Variants in KIF26B observed in about 807,000 individuals in gnomAD.
KIF26B encodes the protein kinesin family member 26B.
In KIF26B, 63 loss-of-function variants were observed where a neutral mutation model predicts 151.2. That is an observed-to-expected ratio of 0.42 (90% CI 0.34 to 0.51). The LOEUF is 0.51. Among genes scored for constraint, KIF26B ranks in the 20% least tolerant of loss-of-function variants. The probability of loss-of-function intolerance (pLI) is 0.07; values close to 1 mark genes in which losing one functional copy is unlikely to be tolerated. For synonymous variants in KIF26B, 1,357 were observed against 1,262.1 expected (o/e 1.08, Z -1.59); for missense variants, 2,813 against 2,913.6 (o/e 0.97, Z 0.79).
intron 4 of KIF26B, among the ~76,000 whole-genome samples, chr1:245,532,401 A>C (rs897528223): frequency 1.3e-5 from 2 of 151,496 alleles, no homozygotes; most frequent in Admixed American, 6.6e-5. Flanking sequence ...GCCCGCCACC[A>C]TGCCCAGCTA....
intron 14 of KIF26B, among the ~76,000 whole-genome samples, chr1:245,701,902 G>A (rs2044777360): frequency 6.6e-6 from 1 of 152,164 alleles, no homozygotes; most frequent in Non-Finnish European, 1.5e-5. Flanking sequence ...GGACAAAGCA[G>A]GGGACTTGAT....
At chr1:245,477,246 G>A (rs1417232546) in intron 4 of KIF26B, among the ~76,000 whole-genome samples, 4 of 151,872 alleles carry the variant, frequency 2.6e-5, no homozygotes, top group African/African-American at 9.7e-5. Context: ...TCCTGGCTTA[G>A]AAAGCATATT....
At chr1:245,314,863 C>T (rs1671733014) in intron 2 of KIF26B, among the ~76,000 whole-genome samples, 1 of 152,208 alleles carries the variant, frequency 6.6e-6, no homozygotes, top group Non-Finnish European at 1.5e-5. Context: ...TGGTAAAATG[C>T]TATTAGCATT....
chr1:245,689,089 GC>G (rs2044586339), intron 12 of KIF26B, among the ~76,000 whole-genome samples: 1 of 152,352 alleles, frequency 6.6e-6, no homozygotes, highest in African/African-American at 2.4e-5. Flanking sequence ...CCTACTGCGT[GC>G]CGTCATCAGG....
chr1:245,374,295 G>A (rs1404370514), intron 3 of KIF26B, among the ~76,000 whole-genome samples: 2 of 150,240 alleles, frequency 1.3e-5, no homozygotes, highest in African/African-American at 4.9e-5. Flanking sequence ...GCAGGAGGAA[G>A]GTGAGGCTCT....
intron 2 of KIF26B, among the ~76,000 whole-genome samples, chr1:245,240,073 G>A (rs1281215531): frequency 6.6e-6 from 1 of 152,002 alleles, no homozygotes; most frequent in Non-Finnish European, 1.5e-5. Flanking sequence ...AGGAGGCTGA[G>A]GCATGAGAAC....
intron 9 of KIF26B, chr1:245,615,075 G>A (rs2043574074): frequency 6.6e-6 from 1 of 152,260 alleles, no homozygotes; most frequent in African/African-American, 2.4e-5. Context: ...GTGGGAGTTG[G>A]CCTTGAACCC....
intron 2 of KIF26B, among the ~76,000 whole-genome samples, chr1:245,212,361 C>T (rs1311275614): frequency 6.6e-6 from 1 of 152,156 alleles, no homozygotes; most frequent in African/African-American, 2.4e-5. Flanking sequence ...GACACCCTGC[C>T]GCCCGTGCCA....
chr1:245,359,695 TCCCTCCTTCCCTC>T (rs1672774702), intron 2 of KIF26B, among the ~76,000 whole-genome samples: 2 of 147,500 alleles, frequency 1.4e-5, no homozygotes, highest in East Asian at 2.1e-4. Flanking sequence ...CTCCCTCCCT[TCCCTCCTTCCCTC>T]CCTTCCTTCC....
chr1:245,249,094 G>A (rs1670391201), intron 2 of KIF26B, among the ~76,000 whole-genome samples: 1 of 152,068 alleles, frequency 6.6e-6, no homozygotes, highest in Non-Finnish European at 1.5e-5. Context: ...GGAGCAAGGT[G>A]ATTTTTGTGT....
intron 10 of KIF26B, chr1:245,676,456 G>A (rs543011772): frequency 1.3e-5 from 2 of 152,306 alleles, no homozygotes; most frequent in East Asian, 3.9e-4. Context: ...AGATTGGTTA[G>A]GATTTTGACT....
chr1:245,687,611 A>AGGCCAGCCGGCAGGAGGAGCC lies in KIF26B; in HGVS notation c.4631_4651dup (p.Ala1544_Pro1550dup). On this transcript the variant is annotated inframe_insertion, in exon 12 of 15. Coordinates refer to ENST00000407071, the MANE Select transcript of KIF26B (RefSeq NM_018012.4). The surrounding 1 kb of genome is among the most constrained non-coding windows in gnomAD (Gnocchi z 4.9). Reference sequence around the variant, plus strand: ...AGCAGCCTTCCCAGGGCCTTTCAGAAGGCCAGCCGGCAGGAGGAGCCGGAC... The same window carrying AGGCCAGCCGGCAGGAGGAGCC: ...AGCAGCCTTCCCAGGGCCTTTCAGAAGGCCAGCCGGCAGGAGGAGCCGGCCAGCCGGCAGGAGGAGCCGGAC... The AGGCCAGCCGGCAGGAGGAGCC allele has an allele frequency of 6.4e-7, 1 of 1,563,630 alleles. No homozygotes were observed. Among genetic ancestry groups the AGGCCAGCCGGCAGGAGGAGCC allele is most frequent in the Non-Finnish European group, 8.7e-7 (1 of 1,154,388 alleles).
chr1:245,521,813 T>G (rs1457422263), intron 4 of KIF26B, among the ~76,000 whole-genome samples: 1 of 152,216 alleles, frequency 6.6e-6, no homozygotes, highest in Non-Finnish European at 1.5e-5. Flanking sequence ...ACACAAATAA[T>G]TACAGCCCAT....
In KIF26B at chr1:245,686,687, T is replaced by G; in HGVS notation, c.3704T>G (p.Ile1235Ser). The G allele has an allele frequency of 6.2e-7, 1 of 1,612,726 alleles. No homozygotes were observed. Among genetic ancestry groups the G allele is most frequent in the South Asian group, 1.1e-5 (1 of 90,904 alleles). ...GSRPVSIISS[I>S]SEDLECYSST... is the part of the protein sequence containing the mutation. ...CGGCCCGTCAGCATCATCAGCAGCA[T>G]CAGCGAGGACCTGGAGTGCTACTCC... Residue 1235 changes from isoleucine to serine, a missense_variant, in exon 12 of 15, where the codon ATC becomes AGC. Ile to Ser is a moderately radical substitution (Grantham distance 142, BLOSUM62 -2). Coordinates refer to ENST00000407071, the MANE Select transcript of KIF26B (RefSeq NM_018012.4). This position sits in a 1 kb window ranked among gnomAD's most constrained non-coding sequence, Gnocchi z 5.6.
chr1:245,247,731 A>G (rs1017492696), intron 2 of KIF26B, among the ~76,000 whole-genome samples: 4 of 152,352 alleles, frequency 2.6e-5, no homozygotes, highest in Admixed American at 2.0e-4. Context: ...TTGAAGAACT[A>G]TCAGCCATCT....
chr1:245,544,388 C>T (rs1182236529), intron 5 of KIF26B, among the ~76,000 whole-genome samples: 5 of 152,152 alleles, frequency 3.3e-5, no homozygotes, highest in Admixed American at 6.6e-5. Flanking sequence ...GAATCTCCAA[C>T]GCTTGAGATG....
rs565830726 is a variant in KIF26B, at chr1:245,305,586, A to C, written c.466-61248A>C. On this transcript the variant is annotated intron_variant, in intron 2 of 14. Transcript: ENST00000407071. ...CGCATGGCTAGAATAAAAAAGATAA[A>C]CAATATGAAGTGTTGATGAGGATGT... Among the ~76,000 whole-genome samples, 12 of 152,296 alleles carry C rather than the reference A, an allele frequency of 7.9e-5. No individual in the cohort carries two copies. The South Asian group carries it at 2.5e-3, about 32-fold the overall frequency.
At chr1:245,435,239 C>T (rs1320882947) in intron 4 of KIF26B, among the ~76,000 whole-genome samples, 1 of 152,116 alleles carries the variant, frequency 6.6e-6, no homozygotes, top group South Asian at 2.1e-4. Context: ...TGTTAGGCAC[C>T]GAGGAGAGCA....
chr1:245,337,507 G>A (rs1672258058), intron 2 of KIF26B, among the ~76,000 whole-genome samples: 1 of 147,162 alleles, frequency 6.8e-6, no homozygotes, highest in South Asian at 2.2e-4. Context: ...TGACCTAGAA[G>A]TACTTAGGAA....
Sources: gnomAD v4.1 joint callset for allele counts (sites outside exome capture counted in the v4.1 genomes callset) on GRCh38, gnomAD v4.1.1 for gene constraint, Gnocchi (gnomAD v3.1) non-coding constraint, MANE v1.5 for transcripts, NCBI Gene and HGNC (gene_info 2026-07-23, HGNC 2026-07-21) for gene names.